TTC17: variants seen among roughly 807,000 people sequenced by gnomAD.
TTC17 encodes tetratricopeptide repeat protein 17.
Under a neutral mutation model 143.8 loss-of-function variants are expected in TTC17, and 58 were observed. The ratio of observed to expected loss-of-function variants is 0.40; its 90% CI spans 0.33 to 0.50. TTC17 has a LOEUF of 0.50. Among genes scored for constraint, TTC17 ranks in the 20% least tolerant of loss-of-function variants. TTC17 has a pLI of 0.49. For missense variants in TTC17, 1,273 were observed against 1,392.5 expected (o/e 0.91, Z 1.37); for synonymous variants, 501 against 497.8 (o/e 1.01, Z -0.09).
intron 21 of TTC17, among the ~76,000 whole-genome samples, chr11:43,470,981 C>G (rs1341667847): frequency 6.6e-6 from 1 of 152,198 alleles, no homozygotes; most frequent in Non-Finnish European, 1.5e-5. Context: ...ATTATTTCTT[C>G]AAAAGCCCAT....
intron 21 of TTC17, among the ~76,000 whole-genome samples, chr11:43,457,593 A>G (rs1246035318): frequency 5.3e-5 from 8 of 152,216 alleles, no homozygotes; most frequent in Non-Finnish European, 1.0e-4. Context: ...AGATGAAGAA[A>G]GTAGATGAAA....
Position 43,492,169 on chromosome 11 carries a change from A to G in TTC17, c.3294+6A>G. The stretch of plus-strand genomic sequence containing the variant: ...GCAATGTCTACGTGGCAATGGTGAG[A>G]TGGGGGTGTGAGCAGTATGTACCAA... On this transcript the variant is annotated splice_donor_region_variant and intron_variant, in intron 23 of 23. Coordinates refer to ENST00000039989, the MANE Select transcript of TTC17 (RefSeq NM_018259.6). 1 of 1,613,902 alleles carries G rather than the reference A, an allele frequency of 6.2e-7. No homozygotes were observed. The highest frequency in any genetic ancestry group is 8.5e-7 in the Non-Finnish European group (1 of 1,179,884).
intron 16 of TTC17, among the ~76,000 whole-genome samples, chr11:43,425,874 G>T (rs1033618461): frequency 6.6e-6 from 1 of 152,172 alleles, no homozygotes; most frequent in Admixed American, 6.5e-5. Flanking sequence ...CTTTGGATTT[G>T]TCTTCCCGTT....
At position 43,421,554 on chromosome 11, in the gene TTC17, T is replaced by C. The variant is rs894354023; in HGVS notation, c.2251+6778T>C. The stretch of plus-strand genomic sequence containing the variant: ...GCATTACTGCCTGAGCTCCACCTTC[T>C]GTCAGATCAGTGGTGGCATTAGATT... On this transcript the variant is annotated intron_variant, in intron 16 of 23. Transcript: ENST00000039989. Among the ~76,000 whole-genome samples, 19 of 152,334 alleles carry C rather than the reference T, an allele frequency of 1.2e-4. 4 individuals carry two copies. Among genetic ancestry groups the C allele is most frequent in the Admixed American group, 1.2e-3 (18 of 15,304 alleles).
At chr11:43,363,578 A>G (rs1856202086) in intron 1 of TTC17, among the ~76,000 whole-genome samples, 1 of 152,240 alleles carries the variant, frequency 6.6e-6, no homozygotes, top group East Asian at 1.9e-4. Context: ...GCTGTCTTAT[A>G]CATTTTAATA....
chr11:43,365,572 C>T (rs1856303299), intron 1 of TTC17, among the ~76,000 whole-genome samples: 1 of 152,168 alleles, frequency 6.6e-6, no homozygotes, highest in Admixed American at 6.5e-5. Flanking sequence ...CTGGCCAGCT[C>T]ATCTCCTTCT....
At chr11:43,455,835 A>G (rs996669194) in intron 21 of TTC17, among the ~76,000 whole-genome samples, 3 of 152,158 alleles carry the variant, frequency 2.0e-5, no homozygotes, top group Non-Finnish European at 2.9e-5. Flanking sequence ...CAGAGTATCA[A>G]AAAAAGAAAA....
Position 43,401,436 on chromosome 11 carries a change from C to G in TTC17, c.1220-10C>G. The G allele has an allele frequency of 6.3e-7, 1 of 1,582,338 alleles. No homozygotes were observed. The highest frequency in any genetic ancestry group is 8.6e-7 in the Non-Finnish European group (1 of 1,159,550). On this transcript the variant is annotated splice_polypyrimidine_tract_variant and intron_variant, in intron 9 of 23. Coordinates refer to ENST00000039989, the MANE Select transcript of TTC17 (RefSeq NM_018259.6). ...GCTCATCATTTGTGTAATTTCCTTT[C>G]TTATTCCAGGAAATCATCAGATATG... is the stretch of plus-strand genomic sequence containing the variant.
At chr11:43,413,012 ACACACACACACACAC>A (rs1946689391) in intron 15 of TTC17, among the ~76,000 whole-genome samples, 2 of 151,354 alleles carry the variant, frequency 1.3e-5, no homozygotes, top group Non-Finnish European at 3.0e-5. Context: ...ACACACACAC[ACACACACACACACAC>A]AAATGGGGGC....
In TTC17 at chr11:43,485,945, G is replaced by T. The variant is rs763071748; in HGVS notation, c.3031-4294G>T. 6.2e-5 allele frequency among the ~76,000 whole-genome samples: 9 copies of T among 144,958 alleles called. No homozygotes were observed. In the East Asian group the frequency reaches 1.4e-3, roughly 22 times the overall value. ...CGTGGCCCAGAAATTCTACTCCTTG[G>T]TATCTACTCTAGACTATAACAGGAG... On this transcript the variant is annotated intron_variant, in intron 21 of 23. Coordinates refer to ENST00000039989, the MANE Select transcript of TTC17 (RefSeq NM_018259.6).
intron 18 of TTC17, among the ~76,000 whole-genome samples, chr11:43,444,722 T>TACATAC (rs1554997503): frequency 1.4e-5 from 2 of 143,554 alleles, no homozygotes; most frequent in Non-Finnish European, 3.0e-5. Flanking sequence ...ACCAAATACA[T>TACATAC]ACACACACAC....
In TTC17 at chr11:43,435,640, T is replaced by C. The variant is rs530463771; in HGVS notation, c.2252-7685T>C. Reference sequence around the variant, plus strand: ...CATTGCAAAACATTTCCAAAAGTTATATTGCAGCCTTAATTGTTGACTTTC... The same window carrying C: ...CATTGCAAAACATTTCCAAAAGTTACATTGCAGCCTTAATTGTTGACTTTC... On this transcript the variant is annotated intron_variant, in intron 16 of 23. Coordinates refer to ENST00000039989, the MANE Select transcript of TTC17 (RefSeq NM_018259.6). Among the ~76,000 whole-genome samples the C allele has an allele frequency of 5.9e-5, 9 of 152,364 alleles. No homozygotes were observed. In the East Asian group the frequency reaches 7.7e-4, roughly 13 times the overall value.
intron 1 of TTC17, among the ~76,000 whole-genome samples, chr11:43,362,468 T>C (rs996698953): frequency 6.6e-6 from 1 of 152,192 alleles, no homozygotes; most frequent in Middle Eastern, 3.4e-3. Context: ...GTATTGGAAA[T>C]GGTACATCCT....
At chr11:43,451,296 A>G (rs930746351) in intron 21 of TTC17, 31 bp downstream of exon 21, 11 of 1,595,882 alleles carry the variant, frequency 6.9e-6, no homozygotes, top group East Asian at 6.7e-5. Context: ...GCTGGAAACA[A>G]TTGCCCTCCT....
intron 16 of TTC17, among the ~76,000 whole-genome samples, chr11:43,430,709 G>GCACGCACACACA (rs1554994151): frequency 8.7e-5 from 12 of 138,542 alleles, no homozygotes; most frequent in Non-Finnish European, 1.2e-4. Flanking sequence ...CTACATACAC[G>GCACGCACACACA]CACACACACA....
chr11:43,457,139 C>T (rs1254345462), intron 21 of TTC17, among the ~76,000 whole-genome samples: 4 of 152,034 alleles, frequency 2.6e-5, no homozygotes, highest in Non-Finnish European at 5.9e-5. Context: ...TTGTGGCACT[C>T]TGGGGATTCT....
intron 21 of TTC17, among the ~76,000 whole-genome samples, chr11:43,452,553 G>A (rs576647957): frequency 2.4e-4 from 37 of 151,942 alleles, no homozygotes; most frequent in Non-Finnish European, 4.9e-4. Context: ...GAAAACCATA[G>A]GAAAAAGCAG....
chr11:43,452,884 C>T (rs939444544), intron 21 of TTC17, among the ~76,000 whole-genome samples: 2 of 151,950 alleles, frequency 1.3e-5, no homozygotes, highest in Non-Finnish European at 2.9e-5. Flanking sequence ...GATCATGCCA[C>T]TGCACTCCAG....
At chr11:43,374,877 T>G (rs1324547892) in intron 1 of TTC17, among the ~76,000 whole-genome samples, 3 of 152,116 alleles carry the variant, frequency 2.0e-5, no homozygotes, top group African/African-American at 7.2e-5. Flanking sequence ...AGAACTACCA[T>G]TTGATCCAGC....
Sources: gnomAD v4.1 joint callset for allele counts (sites outside exome capture counted in the v4.1 genomes callset) on GRCh38, gnomAD v4.1.1 for gene constraint, MANE v1.5 for transcripts, NCBI Gene and HGNC (gene_info 2026-07-23, HGNC 2026-07-21) for gene names.